The following SPTBN1 variants were observed in gnomAD, a reference collection of about 807,000 sequenced individuals.
SPTBN1 encodes the protein spectrin beta, non-erythrocytic 1, also known as spectrin beta chain, non-erythrocytic 1.
In SPTBN1, 32 loss-of-function variants were observed where a neutral mutation model predicts 266.4. That is an observed-to-expected ratio of 0.12 (90% CI 0.09 to 0.16). The LOEUF (loss-of-function observed/expected upper bound fraction) is 0.16, where lower values mean the gene tolerates loss of function less well. Ranked by LOEUF, SPTBN1 falls within the 10% of genes least tolerant of loss-of-function variation. SPTBN1 has a pLI of 1.00. For synonymous variants in SPTBN1, 1,336 were observed against 1,162.2 expected (o/e 1.15, Z -3.04); for missense variants, 2,296 against 3,067.1 (o/e 0.75, Z 5.94).
At chr2:54,550,624 G>A (rs997158272) in intron 2 of SPTBN1, among the ~76,000 whole-genome samples, 11 of 152,166 alleles carry the variant, frequency 7.2e-5, no homozygotes, top group Admixed American at 4.6e-4. Flanking sequence ...AAGAAATCCT[G>A]CTCTGATATT....
intron 1 of SPTBN1, among the ~76,000 whole-genome samples, chr2:54,510,888 C>G (rs1427234814): frequency 3.9e-5 from 6 of 152,194 alleles, no homozygotes; most frequent in Non-Finnish European, 7.3e-5. Flanking sequence ...ACTTCACCAG[C>G]TAAGATCTTA....
At chr2:54,561,813 T>C (rs1318041256) in intron 2 of SPTBN1, among the ~76,000 whole-genome samples, 3 of 141,550 alleles carry the variant, frequency 2.1e-5, no homozygotes, top group Non-Finnish European at 4.4e-5. Flanking sequence ...ATATAGTTTA[T>C]AGAGATTTAT....
chr2:54,645,793 C>T lies in SPTBN1; in HGVS notation c.4495-135C>T, dbSNP rs1679889477. ...CTCGGAGAACAAGGGCGTGCTTCCC[C>T]AGACAGCCCTCCCGAGGGGGCTGAG... On this transcript the variant is annotated intron_variant, in intron 21 of 35. Coordinates refer to ENST00000356805, the MANE Select transcript of SPTBN1 (RefSeq NM_003128.3). The surrounding 1 kb of genome is among the most constrained non-coding windows in gnomAD (Gnocchi z 4.3). The T allele has an allele frequency of 1.1e-6, 1 of 910,826 alleles. No homozygotes were observed. The allele number at this position is 910,826 out of a possible 1,614,324, so 56.4% of individuals were successfully genotyped here.
intron 1 of SPTBN1, among the ~76,000 whole-genome samples, chr2:54,525,946 G>A (rs1670787640): frequency 6.6e-6 from 1 of 152,204 alleles, no homozygotes; most frequent in Admixed American, 6.5e-5. Context: ...TGGCCAGGCT[G>A]GCCTCGAACT....
intron 2 of SPTBN1, among the ~76,000 whole-genome samples, chr2:54,575,606 A>C (rs529626859): frequency 6.6e-6 from 1 of 152,372 alleles, no homozygotes; most frequent in African/African-American, 2.4e-5. Context: ...GCGTTGACAT[A>C]TCAGGATTCT....
intron 24 of SPTBN1, among the ~76,000 whole-genome samples, chr2:54,647,649 C>T (rs1399082516): frequency 2.0e-5 from 3 of 151,972 alleles, no homozygotes; most frequent in Admixed American, 6.5e-5. Flanking sequence ...AGACCAATCT[C>T]GGCAATGTGG....
At position 54,631,621 on chromosome 2, in the gene SPTBN1, G is replaced by A; in HGVS notation, c.3564+10G>A. ...CTTTCTTAACAACCAGGTAAGGTTT[G>A]TTCCTGCCTTTGCTTCCTTTCGGTG... is the stretch of plus-strand genomic sequence containing the variant. On this transcript the variant is annotated intron_variant, in intron 16 of 35. Coordinates refer to ENST00000356805, the MANE Select transcript of SPTBN1 (RefSeq NM_003128.3). 1.9e-6 allele frequency: 3 copies of A among 1,601,124 alleles called. No homozygotes were observed. Among genetic ancestry groups the A allele is most frequent in the Non-Finnish European group, 2.6e-6 (3 of 1,172,554 alleles).
At chr2:54,617,793 C>T (rs551826419) in intron 6 of SPTBN1, 105 bp downstream of exon 6, 29 of 1,101,992 alleles carry the variant, frequency 2.6e-5, no homozygotes, top group African/African-American at 1.1e-4. Context: ...ACTGTCTCAC[C>T]GTGGTGGAAA....
chr2:54,493,515 T>A (rs1668802453), intron 1 of SPTBN1, among the ~76,000 whole-genome samples: 1 of 152,058 alleles, frequency 6.6e-6, no homozygotes, highest in Non-Finnish European at 1.5e-5. Context: ...AAGTGATTCT[T>A]GTGCCTCAGC....
chr2:54,593,993 C>T (rs1181208676), intron 2 of SPTBN1, among the ~76,000 whole-genome samples: 2 of 151,722 alleles, frequency 1.3e-5, no homozygotes, highest in Non-Finnish European at 2.9e-5. Flanking sequence ...CCACCATGCC[C>T]GGCTAATTTT....
chr2:54,516,006 G>C (rs983799980), intron 1 of SPTBN1: 2 of 152,134 alleles, frequency 1.3e-5, no homozygotes, highest in Admixed American at 6.6e-5. Context: ...TGGCTGGGTG[G>C]GTAACTGGCC....
intron 4 of SPTBN1, among the ~76,000 whole-genome samples, chr2:54,615,361 G>T (rs1027614653): frequency 2.0e-4 from 30 of 152,158 alleles, no homozygotes; most frequent in Non-Finnish European, 1.0e-4. Context: ...CTCCTGGCCA[G>T]CACCATCCAC....
intron 1 of SPTBN1, among the ~76,000 whole-genome samples, chr2:54,469,294 CA>C (rs1693797360): frequency 6.6e-6 from 1 of 152,156 alleles, no homozygotes; most frequent in Non-Finnish European, 1.5e-5. Context: ...CTCTTTCCAG[CA>C]ATTTCCTTTA....
chr2:54,463,791 A>G (rs1693491662), intron 1 of SPTBN1, among the ~76,000 whole-genome samples: 1 of 152,240 alleles, frequency 6.6e-6, no homozygotes, highest in African/African-American at 2.4e-5. Context: ...AAATAATGCT[A>G]AGTTCCATCT....
At chr2:54,580,211 C>T (rs947337155) in intron 2 of SPTBN1, among the ~76,000 whole-genome samples, 2 of 152,076 alleles carry the variant, frequency 1.3e-5, no homozygotes, top group African/African-American at 4.8e-5. Context: ...AAAGTAAAAC[C>T]CCTTTTGAAG....
intron 29 of SPTBN1, among the ~76,000 whole-genome samples, chr2:54,656,988 G>A (rs954697109): frequency 6.6e-6 from 1 of 152,202 alleles, no homozygotes; most frequent in Non-Finnish European, 1.5e-5. Flanking sequence ...GGGGGCTACC[G>A]AGGTGCTGAA....
chr2:54,633,239 G>A (rs1352036300), intron 17 of SPTBN1, among the ~76,000 whole-genome samples: 1 of 152,112 alleles, frequency 6.6e-6, no homozygotes, highest in Non-Finnish European at 1.5e-5. Flanking sequence ...AGCTACAAAG[G>A]AACATTACCT....
At position 54,612,287 on chromosome 2, in the gene SPTBN1, C is replaced by T; in HGVS notation, c.427C>T (p.His143Tyr). ...MGSHDIVDGN[H>Y]RLTLGLIWTI... is the part of the protein sequence containing the mutation. ...GTCCCATGACATCGTGGATGGAAAC[C>T]ACCGGCTGACCCTTGGCCTCATCTG... is the stretch of plus-strand genomic sequence containing the variant. Residue 143 changes from histidine to tyrosine, a missense_variant, in exon 4 of 36, where the codon CAC becomes TAC. By Grantham distance (83) the His-to-Tyr change is moderately conservative. Around this residue, in one of 12 missense-constraint regions of SPTBN1, gnomAD observed 178 missense variants for 375.7 expected, o/e 0.47. Coordinates refer to ENST00000356805, the MANE Select transcript of SPTBN1 (RefSeq NM_003128.3). 6.2e-7 allele frequency: 1 copy of T among 1,614,066 alleles called. No homozygotes were observed. The highest frequency in any genetic ancestry group is 8.5e-7 in the Non-Finnish European group (1 of 1,179,918).
chr2:54,591,722 T>G (rs755824912), intron 2 of SPTBN1, among the ~76,000 whole-genome samples: 17 of 152,220 alleles, frequency 1.1e-4, no homozygotes, highest in South Asian at 4.1e-4. Context: ...AATATAGTTG[T>G]GTTTAGCACT....
Sources: allele counts gnomAD v4.1 joint callset (sites outside exome capture counted in the v4.1 genomes callset), GRCh38; gene constraint gnomAD v4.1.1; regional missense constraint gnomAD v4.1.1; non-coding constraint Gnocchi (gnomAD v3.1); transcripts MANE v1.5; gene names NCBI Gene and HGNC (gene_info 2026-07-23, HGNC 2026-07-21).